The following THAP12 variants were observed in gnomAD, a reference collection of about 807,000 sequenced individuals.
The protein encoded by THAP12 is 52 kDa repressor of the inhibitor of the protein kinase.
Under a neutral mutation model 63.0 loss-of-function variants are expected in THAP12, and 20 were observed. That is an observed-to-expected ratio of 0.32 (90% confidence interval 0.22 to 0.46). THAP12 has a LOEUF of 0.46. Among genes scored for constraint, THAP12 ranks in the 20% least tolerant of loss-of-function variants. The pLI is 1.00. For missense variants in THAP12, 568 were observed against 908.2 expected (o/e 0.63, Z 4.81); for synonymous variants, 264 against 328.4 (o/e 0.80, Z 2.12).
chr11:76,377,033 T>C (rs1224396530), intron 1 of THAP12, among the ~76,000 whole-genome samples: 1 of 152,206 alleles, frequency 6.6e-6, no homozygotes, highest in Non-Finnish European at 1.5e-5. Flanking sequence ...AGCGAGTTCT[T>C]TCCCATGTCT....
At chr11:76,374,018 AACAGAAG>A (rs1450294425) in intron 1 of THAP12, among the ~76,000 whole-genome samples, 1 of 152,222 alleles carries the variant, frequency 6.6e-6, no homozygotes, top group Non-Finnish European at 1.5e-5. Flanking sequence ...CGTCCAGCTT[AACAGAAG>A]ACAGCTAGAT....
chr11:76,374,217 T>A (rs1946693231), intron 1 of THAP12, among the ~76,000 whole-genome samples: 1 of 152,208 alleles, frequency 6.6e-6, no homozygotes, highest in Non-Finnish European at 1.5e-5. Flanking sequence ...AAATGTGACA[T>A]CTGAGACCAG....
At chr11:76,370,202 G>C (rs1279796003) in intron 1 of THAP12, among the ~76,000 whole-genome samples, 1 of 152,166 alleles carries the variant, frequency 6.6e-6, no homozygotes, top group Non-Finnish European at 1.5e-5. Flanking sequence ...TACCACTGGG[G>C]AGAATGGGAT....
In THAP12 at chr11:76,352,077, A is replaced by T. The variant is rs769572398; in HGVS notation, c.1073T>A (p.Leu358His). The T allele has an allele frequency of 3.7e-6, 6 of 1,612,014 alleles. No individual in the cohort carries two copies. Among genetic ancestry groups the T allele is most frequent in the Non-Finnish European group, 4.2e-6 (5 of 1,179,836 alleles). Residue 358 changes from leucine (L) to histidine (H), a missense_variant, in exon 5 of 5, where the codon CTC (leucine) becomes CAC (histidine). Transcript: ENST00000260045. ...CATATTTAAGGCACAGGAAGAGCAG[A>T]GTGTGTAGATAGCTTGGGGATATTT... ...LEKYPQAIYT[L>H]CSSCALNMWL...
chr11:76,370,941 C>T (rs1002735309), intron 1 of THAP12, among the ~76,000 whole-genome samples: 3 of 151,656 alleles, frequency 2.0e-5, no homozygotes, highest in Admixed American at 6.6e-5. Flanking sequence ...TACCCACTTA[C>T]ATACTCGTCT....
chr11:76,373,084 T>C (rs1031423791), intron 1 of THAP12, among the ~76,000 whole-genome samples: 2 of 152,162 alleles, frequency 1.3e-5, no homozygotes, highest in African/African-American at 2.4e-5. Context: ...ATAATGTATA[T>C]ATAACAGAGA....
At chr11:76,378,420 CA>C (rs1050722488) in intron 1 of THAP12, among the ~76,000 whole-genome samples, 2 of 150,626 alleles carry the variant, frequency 1.3e-5, no homozygotes, top group African/African-American at 4.9e-5. Context: ...GTGAGACTCT[CA>C]AAAAAAACAA....
At chr11:76,366,041 G>A (rs975043409) in intron 1 of THAP12, 69 bp from the exon 2 acceptor site, 8 of 1,526,570 alleles carry the variant, frequency 5.2e-6, no homozygotes, top group Middle Eastern at 1.7e-4. Context: ...TCAGTTTTAA[G>A]GCAAACATAC....
intron 1 of THAP12, among the ~76,000 whole-genome samples, chr11:76,377,241 T>C (rs778244262): frequency 2.0e-5 from 3 of 152,252 alleles, no homozygotes; most frequent in East Asian, 1.9e-4. Context: ...ACATCTATTT[T>C]CTTTGAGGTG....
At chr11:76,375,235 A>T (rs139165697) in intron 1 of THAP12, among the ~76,000 whole-genome samples, 198 of 152,234 alleles carry the variant, frequency 1.3e-3, no homozygotes, top group African/African-American at 4.5e-3. Context: ...CTGAGGAGGA[A>T]GAAGAGAGCT....
At position 76,380,992 on chromosome 11, in the gene THAP12, C is replaced by T; in HGVS notation, c.-156G>A. 1 of 300,746 alleles carries T rather than the reference C, an allele frequency of 3.3e-6. No homozygotes were observed. The highest frequency in any genetic ancestry group is 5.8e-6 in the Non-Finnish European group (1 of 172,720). 18.6% of individuals were successfully genotyped at this position (300,746 alleles called of 1,614,324 possible). On this transcript the variant is annotated 5_prime_UTR_variant, in exon 1 of 5. Coordinates refer to ENST00000260045, the MANE Select transcript of THAP12 (RefSeq NM_004705.4). ...GCGGGCGGGCTAGAAGCCGCGAGGG[C>T]CAGGAGGGGTGCCGCGGTCCGAGGC... is the stretch of plus-strand genomic sequence containing the variant.
At chr11:76,373,404 G>A (rs1305959149) in intron 1 of THAP12, among the ~76,000 whole-genome samples, 1 of 151,538 alleles carries the variant, frequency 6.6e-6, no homozygotes, top group African/African-American at 2.4e-5. Context: ...TTGTTTGGAA[G>A]ATTAAATGAG....
intron 3 of THAP12, chr11:76,356,370 T>C (rs1478423585): frequency 6.6e-6 from 1 of 152,232 alleles, no homozygotes; most frequent in Non-Finnish European, 1.5e-5. Context: ...AGCAGGCTGG[T>C]CAACCTGGAC....
intron 1 of THAP12, among the ~76,000 whole-genome samples, chr11:76,372,151 A>C (rs542972486): frequency 1.3e-5 from 2 of 150,900 alleles, no homozygotes; most frequent in South Asian, 4.2e-4. Flanking sequence ...AAGAGGTGTC[A>C]TTATGTTGCC....
chr11:76,366,591 G>A (rs1946632944), intron 1 of THAP12, among the ~76,000 whole-genome samples: 1 of 151,956 alleles, frequency 6.6e-6, no homozygotes, highest in African/African-American at 2.4e-5. Flanking sequence ...TGAGGCAGGA[G>A]AATGGCGTGA....
chr11:76,355,340 C>T (rs777340151), intron 4 of THAP12, among the ~76,000 whole-genome samples: 5 of 152,222 alleles, frequency 3.3e-5, no homozygotes, highest in Non-Finnish European at 7.3e-5. Flanking sequence ...TACAATGGAG[C>T]ACTGTGTGCC....
rs1019414637 is a variant in THAP12 at position 76,350,070 on chromosome 11, T to C, written c.*794A>G. ...TTTTCTAGATAAACCACAACACTTA[T>C]TTTGTAGGTTTTCCAGGTTTTGCTT... On this transcript the variant is annotated 3_prime_UTR_variant, in exon 5 of 5. Coordinates refer to ENST00000260045, the MANE Select transcript of THAP12 (RefSeq NM_004705.4). 4 of 152,896 alleles carry C rather than the reference T, an allele frequency of 2.6e-5. No individual in the cohort carries two copies. Among genetic ancestry groups the C allele is most frequent in the African/African-American group, 4.8e-5 (2 of 41,574 alleles). 9.5% of individuals were successfully genotyped at this position (152,896 alleles called of 1,614,324 possible). A position where few individuals can be genotyped will look rare whatever the true frequency, so the allele number is the denominator to read the frequency against.
intron 1 of THAP12, among the ~76,000 whole-genome samples, chr11:76,373,449 C>G (rs953979329): frequency 6.6e-6 from 1 of 151,502 alleles, no homozygotes; most frequent in African/African-American, 2.4e-5. Context: ...GGCGTGGTGT[C>G]TCACATCTGC....
rs753401889 is a variant in THAP12 at position 76,352,459 on chromosome 11, A to C, written c.691T>G (p.Ser231Ala). The stretch of plus-strand genomic sequence containing the variant: ...AGCATCTGCCTCTGCTGTGTTTTTG[A>C]ACAAAACAACGTGTTAACTGCTGTT... Reference protein sequence around the residue: ...ETTAVNTLFCSKTQQRQMLEI... With the variant: ...ETTAVNTLFCAKTQQRQMLEI... The change falls in exon 5 of 5, where the codon TCA (serine) becomes GCA (alanine). Residue 231 changes from serine to alanine, a missense_variant. Coordinates refer to ENST00000260045, the MANE Select transcript of THAP12 (RefSeq NM_004705.4). The C allele has an allele frequency of 6.2e-7, 1 of 1,611,954 alleles. No individual in the cohort carries two copies.
Sources: gnomAD v4.1 joint callset for allele counts (sites outside exome capture counted in the v4.1 genomes callset) on GRCh38, gnomAD v4.1.1 for gene constraint, MANE v1.5 for transcripts, NCBI Gene and HGNC (gene_info 2026-07-23, HGNC 2026-07-21) for gene names.